Variants in MATR3 observed in about 807,000 individuals in gnomAD.
MATR3 encodes the protein matrin-3.
Under a neutral mutation model 85.5 loss-of-function variants are expected in MATR3, and 4 were observed. The observed-to-expected ratio is 0.05, with a 90% confidence interval of 0.02 to 0.11. The LOEUF (loss-of-function observed/expected upper bound fraction) is 0.11, where lower values mean the gene tolerates loss of function less well. Ranked by LOEUF, MATR3 falls within the 10% of genes least tolerant of loss-of-function variation. MATR3 has a pLI of 1.00. For synonymous variants in MATR3, 336 were observed against 343.1 expected (o/e 0.98, Z 0.23); for missense variants, 685 against 1,016.1 (o/e 0.67, Z 4.43).
intron 9 of MATR3, among the ~76,000 whole-genome samples, chr5:139,319,857 T>G (rs1431881823): frequency 8.9e-5 from 11 of 123,780 alleles, no homozygotes; most frequent in African/African-American, 4.4e-4. Flanking sequence ...AAAAAAAAAT[T>G]TGCTTTTTTT....
At chr5:139,277,397 G>A (rs1231399691) in intron 2 of MATR3, among the ~76,000 whole-genome samples, 1 of 152,116 alleles carries the variant, frequency 6.6e-6, no homozygotes, top group African/African-American at 2.4e-5. Context: ...GGAGGATGTT[G>A]GGGGGCAGGG....
chr5:139,279,248 G>A, intron 3 of MATR3: 1 of 438,596 alleles, frequency 2.3e-6, no homozygotes, highest in Non-Finnish European at 4.6e-6. Context: ...TTTTGGGGGG[G>A]GACGGAGTCT....
exon 1 of MATR3, chr5:139,274,155 C>T (rs1021649542): frequency 4.7e-6 from 2 of 428,150 alleles, no homozygotes; most frequent in Non-Finnish European, 9.2e-6. Flanking sequence ...GCTCCGAACA[C>T]GTGCGCGTGA....
intron 3 of MATR3, among the ~76,000 whole-genome samples, chr5:139,284,098 GTAA>G (rs1283424800): frequency 3.3e-5 from 5 of 152,238 alleles, no homozygotes; most frequent in Admixed American, 2.0e-4. Context: ...CTGACAGTTG[GTAA>G]TAATAACCTC....
At chr5:139,319,947 T>C (rs1422714814) in intron 9 of MATR3, among the ~76,000 whole-genome samples, 2 of 143,982 alleles carry the variant, frequency 1.4e-5, no homozygotes, top group East Asian at 4.7e-4. Context: ...GCTTTTCTTT[T>C]CTTTTTTTTT....
intron 2 of MATR3, 116 bp downstream of exon 2, chr5:139,308,443 CT>C: frequency 8.3e-7 from 1 of 1,210,584 alleles, no homozygotes; most frequent in South Asian, 1.2e-5. Flanking sequence ...CATTTTTAAA[CT>C]TTTGAGAACA....
intron 1 of MATR3, among the ~76,000 whole-genome samples, chr5:139,306,373 C>T (rs1243068660): frequency 3.3e-5 from 5 of 152,014 alleles, no homozygotes; most frequent in Admixed American, 1.3e-4. Context: ...TCATTTTTAC[C>T]TGTTTTGTGC....
chr5:139,307,032 C>G lies in MATR3; in HGVS notation c.-177-207C>G, dbSNP rs1165724027. ...TATGAAAGTCCCTTTAATAGTTAAG[C>G]TTTAGCATGAAATACTACTTTTTAA... On this transcript the variant is annotated intron_variant, in intron 1 of 14. Coordinates refer to ENST00000394805, the MANE Select transcript of MATR3 (RefSeq NM_018834.6). The surrounding 1 kb of genome is among the most constrained non-coding windows in gnomAD (Gnocchi z 4.4). 6.6e-6 allele frequency among the ~76,000 whole-genome samples: 1 copy of G among 151,912 alleles called. No individual in the cohort carries two copies. The highest frequency in any genetic ancestry group is 1.5e-5 in the Non-Finnish European group (1 of 67,892).
chr5:139,308,497 C>T (rs1223858550), intron 2 of MATR3, among the ~76,000 whole-genome samples, 170 bp downstream of exon 2: 1 of 152,120 alleles, frequency 6.6e-6, no homozygotes, highest in East Asian at 1.9e-4. Flanking sequence ...CATTTTAAAC[C>T]AGGGCTTTAC....
intron 3 of MATR3, chr5:139,315,142 T>C (rs1354356505): frequency 2.6e-5 from 5 of 194,732 alleles, no homozygotes; most frequent in African/African-American, 1.2e-4. Context: ...AAATCCTTGG[T>C]GATGAATTTT....
At chr5:139,296,760 G>T (rs1236717079) in intron 1 of MATR3, among the ~76,000 whole-genome samples, 1 of 152,176 alleles carries the variant, frequency 6.6e-6, no homozygotes, top group Non-Finnish European at 1.5e-5. Flanking sequence ...ATGAATTGCA[G>T]CCAAAGAATT....
At chr5:139,306,798 T>A (rs550470980) in intron 1 of MATR3, among the ~76,000 whole-genome samples, 1 of 152,334 alleles carries the variant, frequency 6.6e-6, no homozygotes, top group East Asian at 1.9e-4. Flanking sequence ...CTGATAGTGA[T>A]AATAGGTCTC....
At chr5:139,319,251 C>T (rs1325269730) in intron 8 of MATR3, 83 bp from the exon 9 acceptor site, 3 of 1,430,838 alleles carry the variant, frequency 2.1e-6, no homozygotes, top group Non-Finnish European at 3.0e-6. Flanking sequence ...AAAAATAAAA[C>T]AATTGGTAAA....
Position 139,328,457 on chromosome 5 carries a change from C to T in MATR3, c.2494-888C>T, listed in dbSNP as rs541591546. On this transcript the variant is annotated intron_variant, in intron 14 of 14. Transcript: ENST00000394805. ...TTCATTAGTGTCTTAATGGAGCTCC[C>T]GTGTCTAGAAACTCTAGCAGTCACA... Among the ~76,000 whole-genome samples, 5 of 152,138 alleles carry T rather than the reference C, an allele frequency of 3.3e-5. No individual in the cohort carries two copies. In the East Asian group the frequency reaches 7.7e-4, roughly 24 times the overall value.
chr5:139,284,673 A>C (rs573436138), intron 3 of MATR3, among the ~76,000 whole-genome samples: 67 of 152,260 alleles, frequency 4.4e-4, no homozygotes, highest in African/African-American at 1.4e-3. Flanking sequence ...TCTGTTAACT[A>C]AAACACATGT....
At chr5:139,295,351 T>C (rs115589294) in intron 1 of MATR3, among the ~76,000 whole-genome samples, 3 of 152,364 alleles carry the variant, frequency 2.0e-5, no homozygotes, top group Non-Finnish European at 4.4e-5. Context: ...AAATACTGCA[T>C]GAAGTTTCTT....
intron 3 of MATR3, chr5:139,283,231 C>CCTT (rs1442826372): frequency 1.3e-5 from 2 of 152,248 alleles, no homozygotes; most frequent in African/African-American, 2.4e-5. Context: ...AGGGAAGATG[C>CCTT]CCCTCAAGGC....
chr5:139,297,493 T>C (rs563265743), intron 1 of MATR3, among the ~76,000 whole-genome samples: 3 of 152,358 alleles, frequency 2.0e-5, no homozygotes, highest in South Asian at 4.1e-4. Context: ...GTTTTAGATA[T>C]GTACCTTTAA....
chr5:139,318,767 C>A, intron 7 of MATR3, 141 bp from the exon 8 acceptor site: 2 of 823,702 alleles, frequency 2.4e-6, no homozygotes, highest in Non-Finnish European at 3.9e-6. Flanking sequence ...TATTTTGATT[C>A]TTGAAAGTAT....
Sources: allele counts gnomAD v4.1 joint callset (sites outside exome capture counted in the v4.1 genomes callset), GRCh38; gene constraint gnomAD v4.1.1; non-coding constraint Gnocchi (gnomAD v3.1); transcripts MANE v1.5; gene names NCBI Gene and HGNC (gene_info 2026-07-23, HGNC 2026-07-21).